CHCHD3: variants seen among roughly 807,000 people sequenced by gnomAD.
The protein encoded by CHCHD3 is MICOS complex subunit MIC19.
CHCHD3 carries 20 observed loss-of-function variants against 38.2 expected under a neutral mutation model. That is an observed-to-expected ratio of 0.52 (90% CI 0.37 to 0.76). The LOEUF is 0.76. CHCHD3 is among the 30% of genes least tolerant of loss of function. The pLI is 0.00. For missense variants in CHCHD3, 245 were observed against 279.2 expected (o/e 0.88, Z 0.87); for synonymous variants, 82 against 100.0 (o/e 0.82, Z 1.07).
chr7:132,797,276 C>T (rs1806643685), intron 6 of CHCHD3, among the ~76,000 whole-genome samples: 1 of 152,164 alleles, frequency 6.6e-6, no homozygotes, highest in South Asian at 2.1e-4. Context: ...GCTCATGCTG[C>T]TCTTGCTTCT....
Position 132,885,703 on chromosome 7 carries a change from C to G in CHCHD3, c.412G>C (p.Asp138His). 1 of 1,609,240 alleles carries G rather than the reference C, an allele frequency of 6.2e-7. No homozygotes were observed. Among genetic ancestry groups the G allele is most frequent in the African/African-American group, 1.3e-5 (1 of 74,706 alleles). ...GCCAGCTGTTCTTTGTAGAATGCAT[C>G]CTGCTTCTTTAGCACTCGGTCTTTC... ...EEKDRVLKKQ[D>H]AFYKEQLARL... Residue 138 changes from aspartate (D) to histidine (H), a missense_variant, in exon 5 of 8, where the codon GAT becomes CAT. Transcript: ENST00000262570.
intron 2 of CHCHD3, among the ~76,000 whole-genome samples, chr7:133,058,309 A>C (rs1052810202): frequency 6.6e-6 from 1 of 151,558 alleles, no homozygotes; most frequent in Admixed American, 6.6e-5. Flanking sequence ...ATGCAAACAT[A>C]GTACACTTCC....
intron 5 of CHCHD3, among the ~76,000 whole-genome samples, chr7:132,880,746 G>C (rs766958778): frequency 1.4e-4 from 22 of 152,050 alleles, no homozygotes; most frequent in Non-Finnish European, 1.9e-4. Flanking sequence ...ACAAAATGTG[G>C]CTATCATAAA....
intron 4 of CHCHD3, among the ~76,000 whole-genome samples, chr7:132,933,408 G>A (rs917220951): frequency 6.6e-6 from 1 of 152,176 alleles, no homozygotes; most frequent in Non-Finnish European, 1.5e-5. Context: ...CAAAACATCA[G>A]CCAGACTTTA....
chr7:132,854,986 T>G (rs190116941), intron 5 of CHCHD3, among the ~76,000 whole-genome samples: 13 of 152,318 alleles, frequency 8.5e-5, no homozygotes, highest in African/African-American at 3.1e-4. Context: ...TATGTTCATA[T>G]CGTTTGATTT....
At chr7:132,885,607 T>C (rs762725233) in intron 5 of CHCHD3, 55 bp downstream of exon 5, 2 of 1,310,072 alleles carry the variant, frequency 1.5e-6, no homozygotes, top group Non-Finnish European at 2.1e-6. Flanking sequence ...TTTAAATAAA[T>C]ATACAAGAAA....
chr7:132,941,018 G>A (rs904622910), intron 4 of CHCHD3, among the ~76,000 whole-genome samples: 1 of 151,994 alleles, frequency 6.6e-6, no homozygotes, highest in Non-Finnish European at 1.5e-5. Flanking sequence ...TCAAAATACT[G>A]TAAAACTGAT....
intron 2 of CHCHD3, among the ~76,000 whole-genome samples, chr7:133,062,828 C>T (rs906484532): frequency 7.9e-5 from 12 of 152,216 alleles, no homozygotes; most frequent in African/African-American, 2.9e-4. Flanking sequence ...TGATTTCATA[C>T]CACCTAGAAG....
Position 133,035,999 on chromosome 7 carries a change from A to C in CHCHD3, c.170-11372T>G. The C allele has an allele frequency of 5.4e-6, 5 of 923,246 alleles. No homozygotes were observed. In the South Asian group the frequency reaches 7.0e-5, roughly 13 times the overall value. 57.2% of individuals were successfully genotyped at this position (923,246 alleles called of 1,614,324 possible). ...GGTCCTTAGGGGAACTGTTTTAATGAAACTAGTAATTAGAATACCAACTTA... is the reference window on the plus strand; with the variant it reads ...GGTCCTTAGGGGAACTGTTTTAATGCAACTAGTAATTAGAATACCAACTTA... On this transcript the variant is annotated intron_variant, in intron 2 of 7. Coordinates refer to ENST00000262570, the MANE Select transcript of CHCHD3 (RefSeq NM_017812.4). The surrounding 1 kb of genome is among the most constrained non-coding windows in gnomAD (Gnocchi z 4.7).
intron 3 of CHCHD3, among the ~76,000 whole-genome samples, chr7:132,977,776 C>CT (rs1013830500): frequency 7.3e-5 from 11 of 151,696 alleles, no homozygotes; most frequent in East Asian, 3.9e-4. Context: ...AAAATTACTA[C>CT]TTTTTTTTTC....
chr7:132,973,176 G>A (rs1489015300), intron 4 of CHCHD3: 1 of 985,306 alleles, frequency 1.0e-6, no homozygotes, highest in African/African-American at 1.7e-5. Context: ...AAGAGGTGGA[G>A]AAAGAGTGCT....
At chr7:133,078,979 G>A (rs944935766) in intron 1 of CHCHD3, among the ~76,000 whole-genome samples, 2 of 152,104 alleles carry the variant, frequency 1.3e-5, no homozygotes, top group African/African-American at 2.4e-5. Context: ...CTGAGAATGC[G>A]GTTTCTTATC....
intron 4 of CHCHD3, among the ~76,000 whole-genome samples, chr7:132,961,993 A>G (rs1811331648): frequency 6.6e-6 from 1 of 152,226 alleles, no homozygotes; most frequent in African/African-American, 2.4e-5. Context: ...TCTTCATTCT[A>G]AGCCAACAAA....
At position 132,985,315 on chromosome 7, in the gene CHCHD3, G is replaced by A. The variant is rs1427259250; in HGVS notation, c.252-10029C>T. Among the ~76,000 whole-genome samples, 25 of 60,134 alleles carry A rather than the reference G, an allele frequency of 4.2e-4. 2 individuals carry two copies. The highest frequency in any genetic ancestry group is 1.1e-3 in the African/African-American group (17 of 15,598). The allele number at this position is 60,134 out of a possible 152,430, so 39.5% of individuals were successfully genotyped here. On this transcript the variant is annotated intron_variant, in intron 3 of 7. Transcript: ENST00000262570. ...AGGTGAGGGGCGCCTCTGCCCGGCC[G>A]CCCCTACTGGGAAGTGAGGAGTCCC...
At chr7:132,922,242 G>A (rs1810279755) in intron 4 of CHCHD3, among the ~76,000 whole-genome samples, 1 of 152,110 alleles carries the variant, frequency 6.6e-6, no homozygotes, top group Non-Finnish European at 1.5e-5. Flanking sequence ...GGCGGGTACA[G>A]CACAAGCACT....
rs1808352117 is a variant in CHCHD3, at chr7:132,856,844, T to C, written c.454-18375A>G. Among the ~76,000 whole-genome samples, 3 of 152,356 alleles carry C rather than the reference T, an allele frequency of 2.0e-5. No homozygotes were observed. The South Asian group carries it at 6.2e-4, about 32-fold the overall frequency. ...GACATTTATTAGCTTCTGCATTCAT[T>C]GCATTGGCAAACAGAAACATTCTGC... On this transcript the variant is annotated intron_variant, in intron 5 of 7. Transcript: ENST00000262570.
At chr7:132,802,648 A>G (rs1806822135) in intron 6 of CHCHD3, among the ~76,000 whole-genome samples, 1 of 152,192 alleles carries the variant, frequency 6.6e-6, no homozygotes, top group Admixed American at 6.5e-5. Context: ...TTCTTGACTT[A>G]TATTTGGGCT....
intron 4 of CHCHD3, among the ~76,000 whole-genome samples, chr7:132,914,604 A>C (rs112800999): frequency 2.0e-5 from 3 of 152,318 alleles, no homozygotes; most frequent in African/African-American, 4.8e-5. Flanking sequence ...AAGAAATATA[A>C]AAACACTTAT....
chr7:133,047,687 C>CA (rs1258362855), intron 2 of CHCHD3, among the ~76,000 whole-genome samples: 9 of 151,688 alleles, frequency 5.9e-5, no homozygotes, highest in Middle Eastern at 3.4e-3. Context: ...CTAATGCAGA[C>CA]AAAAAAAATC....
Sources: allele counts gnomAD v4.1 joint callset (sites outside exome capture counted in the v4.1 genomes callset), GRCh38; gene constraint gnomAD v4.1.1; non-coding constraint Gnocchi (gnomAD v3.1); transcripts MANE v1.5; gene names NCBI Gene and HGNC (gene_info 2026-07-23, HGNC 2026-07-21).